Variants in PTGR2 observed in about 807,000 individuals in gnomAD.
The protein encoded by PTGR2 is 15-oxoprostaglandin 13-reductase.
PTGR2 carries 32 observed loss-of-function variants against 43.4 expected under a neutral mutation model. That is an observed-to-expected ratio of 0.74 (90% CI 0.56 to 0.99). The LOEUF (loss-of-function observed/expected upper bound fraction) is 0.99, where lower values mean the gene tolerates loss of function less well. Ranked by LOEUF, PTGR2 falls within the 50% of genes least tolerant of loss-of-function variation. The pLI is 0.00. For synonymous variants in PTGR2, 106 were observed against 139.2 expected (o/e 0.76, Z 1.68); for missense variants, 373 against 420.0 (o/e 0.89, Z 0.98).
At chr14:73,873,381 AT>A (rs1177147779) in intron 3 of PTGR2, among the ~76,000 whole-genome samples, 1 of 152,196 alleles carries the variant, frequency 6.6e-6, no homozygotes, top group Non-Finnish European at 1.5e-5. Flanking sequence ...GCTAATTAAC[AT>A]GGATTATATC....
intron 8 of PTGR2, among the ~76,000 whole-genome samples, chr14:73,881,528 A>G (rs1055460897): frequency 1.3e-5 from 2 of 151,172 alleles, no homozygotes; most frequent in African/African-American, 2.4e-5. Context: ...TCCATAGATT[A>G]TATTACAAAA....
At chr14:73,863,815 C>T (rs2054545391) in intron 3 of PTGR2, among the ~76,000 whole-genome samples, 1 of 152,032 alleles carries the variant, frequency 6.6e-6, no homozygotes, top group South Asian at 2.1e-4. Context: ...GGGGTTTCAC[C>T]ATGTTGGCCA....
chr14:73,883,309 A>G lies in PTGR2; in HGVS notation c.980-792A>G, dbSNP rs72723750. Among the ~76,000 whole-genome samples, 409 of 144,388 alleles carry G rather than the reference A, an allele frequency of 2.8e-3. 1 individual carries two copies. The highest frequency in any genetic ancestry group is 4.9e-3 in the Admixed American group (69 of 14,076). 94.7% of individuals were successfully genotyped at this position (144,388 alleles called of 152,430 possible). On this transcript the variant is annotated intron_variant, in intron 9 of 9. Transcript: ENST00000555661. ...ACTTATGAACCCATGGGCTCAAGCA[A>G]TCCTCTCACCAGAGTAGCTGGTACT...
At position 73,867,092 on chromosome 14, in the gene PTGR2, AAAAAAAAAAAAAAAAAC is replaced by A. The variant is rs1325623695; in HGVS notation, c.156+6443_156+6459del. On this transcript the variant is annotated intron_variant, in intron 3 of 9. Transcript: ENST00000555661. ...TGACAGAGCAAGACTCTGTCTCAAA[AAAAAAAAAAAAAAAAAC>A]AAAAAAACAAAAAAAAGAAGAAGAA... Among the ~76,000 whole-genome samples, 7 of 37,352 alleles carry A rather than the reference AAAAAAAAAAAAAAAAAC, an allele frequency of 1.9e-4. 1 individual carries two copies. The South Asian group carries it at 6.7e-3, about 36-fold the overall frequency. 24.5% of individuals were successfully genotyped at this position (37,352 alleles called of 152,430 possible).
chr14:73,885,398 A>C lies in PTGR2; in HGVS notation c.*1221A>C, dbSNP rs17182670. 51,100 of 152,052 alleles carry C rather than the reference A, an allele frequency of 0.34. 9,678 individuals are homozygous for C. Among genetic ancestry groups the C allele is most frequent in the Non-Finnish European group, 0.42 (28,659 of 67,956 alleles). The allele number at this position is 152,052 out of a possible 1,614,324, so 9.4% of individuals were successfully genotyped here. On this transcript the variant is annotated 3_prime_UTR_variant, in exon 10 of 10. Transcript: ENST00000555661. ...TGTTCAGGAACTACTGATGTACCTC[A>C]AAAGTTTGTTTTATTAATTGTACTC...
At chr14:73,862,764 G>A (rs1002079248) in intron 3 of PTGR2, among the ~76,000 whole-genome samples, 26 of 152,124 alleles carry the variant, frequency 1.7e-4, no homozygotes, top group African/African-American at 5.8e-4. Flanking sequence ...GCTGAGTGCA[G>A]TGGTGTGAAT....
intron 1 of PTGR2, among the ~76,000 whole-genome samples, chr14:73,856,119 TAC>T (rs1479673346): frequency 6.6e-6 from 1 of 152,084 alleles, no homozygotes; most frequent in Non-Finnish European, 1.5e-5. Flanking sequence ...CTAAGTAGCC[TAC>T]AGTAATGTCC....
chr14:73,881,522 T>A (rs1170209634), intron 8 of PTGR2, among the ~76,000 whole-genome samples: 1 of 151,822 alleles, frequency 6.6e-6, no homozygotes, highest in Non-Finnish European at 1.5e-5. Flanking sequence ...TTACTTTCCA[T>A]AGATTATATT....
intron 1 of PTGR2, among the ~76,000 whole-genome samples, chr14:73,856,034 C>T (rs543376717): frequency 6.0e-5 from 9 of 149,972 alleles, no homozygotes; most frequent in African/African-American, 1.5e-4. Flanking sequence ...CCAGCCTGGG[C>T]GACAGAGCAA....
chr14:73,859,021 A>G (rs1424792653), intron 2 of PTGR2, 122 bp downstream of exon 2: 1 of 637,878 alleles, frequency 1.6e-6, no homozygotes, highest in Non-Finnish European at 2.6e-6. Flanking sequence ...ACACTAGTAA[A>G]GATATTAGAA....
rs1414524794 is a variant in PTGR2, at chr14:73,879,304, A to AG, written c.729+1dup. The AG allele has an allele frequency of 6.2e-7, 1 of 1,613,042 alleles. No homozygotes were observed. The highest frequency in any genetic ancestry group is 1.1e-5 in the South Asian group (1 of 91,028). ...AACATCAGTGATACAGTGATAAGTC[A>AG]GGTTGTTTGCTGATTTCTATAACAA... On this transcript the variant is annotated frameshift_variant and splice_region_variant, in exon 6 of 10. Transcript: ENST00000555661.
At chr14:73,881,375 T>C in intron 8 of PTGR2, 83 bp downstream of exon 8, 1 of 773,152 alleles carries the variant, frequency 1.3e-6, no homozygotes, top group Non-Finnish European at 2.2e-6. Flanking sequence ...ATAGCAAACA[T>C]ACTAGTTTCA....
At chr14:73,858,570 T>A (rs574606056) in intron 1 of PTGR2, 65 of 267,292 alleles carry the variant, frequency 2.4e-4, no homozygotes, top group African/African-American at 1.1e-3. Flanking sequence ...AATAAATAAA[T>A]AAACAAACAT....
chr14:73,857,376 G>A (rs2054372851), intron 1 of PTGR2, among the ~76,000 whole-genome samples: 3 of 151,918 alleles, frequency 2.0e-5, no homozygotes, highest in Admixed American at 2.0e-4. Flanking sequence ...ACTTTGTGAG[G>A]CCAAGGTGGG....
chr14:73,868,971 C>T (rs1381314961), intron 3 of PTGR2, among the ~76,000 whole-genome samples: 1 of 152,126 alleles, frequency 6.6e-6, no homozygotes, highest in African/African-American at 2.4e-5. Flanking sequence ...CTGGTTAAAA[C>T]AGAGTCCCAG....
At chr14:73,867,088 C>CAA (rs200945001) in intron 3 of PTGR2, among the ~76,000 whole-genome samples, 142 of 100,046 alleles carry the variant, frequency 1.4e-3, no homozygotes, top group Middle Eastern at 5.4e-3. Context: ...GACTCTGTCT[C>CAA]AAAAAAAAAA....
chr14:73,880,354 C>A, intron 7 of PTGR2, 178 bp downstream of exon 7: 1 of 631,828 alleles, frequency 1.6e-6, no homozygotes, highest in South Asian at 1.6e-5. Context: ...GGGTGGATTG[C>A]TTGAGGCCAG....
At chr14:73,854,970 C>T (rs1328950960) in intron 1 of PTGR2, among the ~76,000 whole-genome samples, 1 of 152,130 alleles carries the variant, frequency 6.6e-6, no homozygotes, top group African/African-American at 2.4e-5. Flanking sequence ...TCTTTAAAAG[C>T]TAGTCATTTA....
chr14:73,862,003 G>A (rs1157712916), intron 3 of PTGR2, among the ~76,000 whole-genome samples: 4 of 151,040 alleles, frequency 2.6e-5, no homozygotes, highest in Non-Finnish European at 5.9e-5. Context: ...TCAGCTTCCC[G>A]AGTAGCTGGG....
Sources: allele counts gnomAD v4.1 joint callset (sites outside exome capture counted in the v4.1 genomes callset), GRCh38; gene constraint gnomAD v4.1.1; transcripts MANE v1.5; gene names NCBI Gene and HGNC (gene_info 2026-07-23, HGNC 2026-07-21).